Variants in HCK observed in about 807,000 individuals in gnomAD.
HCK encodes tyrosine-protein kinase HCK.
Under a neutral mutation model 70.4 loss-of-function variants are expected in HCK, and 40 were observed. The observed-to-expected ratio is 0.57, with a 90% CI of 0.44 to 0.74. The LOEUF (loss-of-function observed/expected upper bound fraction) is 0.74. HCK is among the 30% of genes least tolerant of loss of function. The pLI, the probability that HCK is intolerant of heterozygous loss-of-function variation, is 0.00. For missense variants in HCK, 568 were observed against 697.2 expected, an observed-to-expected ratio of 0.81 and a Z score of 2.09; for synonymous variants, 245 against 263.2, an observed-to-expected ratio of 0.93 and a Z score of 0.67.
In HCK at chr20:32,052,481, GC is replaced by G; in HGVS notation, c.60del (p.Arg21GlyfsTer5). ...GCTGCCCGCGAGACGAGGAGCGGGC[GC>G]CCAGGTGAGTGCCGCGCACAGGGGA... On this transcript the variant is annotated frameshift_variant, in exon 1 of 13. Transcript: ENST00000375852. LOFTEE classifies it high-confidence loss of function. The G allele has an allele frequency of 7.9e-7, 1 of 1,265,516 alleles. No individual in the cohort carries two copies. The allele number at this position is 1,265,516 out of a possible 1,614,324, so 78.4% of individuals were successfully genotyped here. A position where few individuals can be genotyped will look rare whatever the true frequency, so the allele number is the denominator to read the frequency against.
intron 5 of HCK, among the ~76,000 whole-genome samples, chr20:32,079,081 C>G (rs2045671448): frequency 6.6e-6 from 1 of 152,162 alleles, no homozygotes; most frequent in Admixed American, 6.6e-5. Context: ...GCTCCTCACC[C>G]CAGTGAAGGT....
At chr20:32,088,890 T>G (rs928063471) in intron 10 of HCK, among the ~76,000 whole-genome samples, 1 of 152,200 alleles carries the variant, frequency 6.6e-6, no homozygotes, top group Non-Finnish European at 1.5e-5. Flanking sequence ...ACCATCCAAG[T>G]CCTAGTAGCT....
intron 1 of HCK, among the ~76,000 whole-genome samples, chr20:32,067,876 T>C (rs1232882461): frequency 1.3e-5 from 2 of 152,210 alleles, no homozygotes; most frequent in South Asian, 2.1e-4. Flanking sequence ...GTAAAGTATC[T>C]CATTCATAAT....
chr20:32,063,381 TA>T (rs2045408698), intron 1 of HCK, among the ~76,000 whole-genome samples: 1 of 151,904 alleles, frequency 6.6e-6, no homozygotes, highest in East Asian at 1.9e-4. Context: ...GCCTCCCAAG[TA>T]GCTGGGAATA....
intron 1 of HCK, among the ~76,000 whole-genome samples, chr20:32,058,363 C>T (rs2045305992): frequency 1.3e-5 from 2 of 151,994 alleles, no homozygotes; most frequent in African/African-American, 2.4e-5. Context: ...GAAACCCCGT[C>T]TCTACTAAAA....
chr20:32,059,507 CTCTCTTT>C lies in HCK; in HGVS notation c.62+7023_62+7029del, dbSNP rs1184477395. On this transcript the variant is annotated intron_variant, in intron 1 of 12. Coordinates refer to ENST00000375852, the MANE Select transcript of HCK (RefSeq NM_002110.5). ...TCTTCTTTCTTGCTTCTCTCTCTCT[CTCTCTTT>C]TTTTTTTCTTTTTCTTTTTGAGACA... Among the ~76,000 whole-genome samples, 390 of 36,600 alleles carry C rather than the reference CTCTCTTT, an allele frequency of 0.011. 3 individuals are homozygous for C. In the East Asian group the frequency reaches 0.29, roughly 27 times the overall value. 24.0% of individuals were successfully genotyped at this position (36,600 alleles called of 152,430 possible). A position where few individuals can be genotyped will look rare whatever the true frequency, so the allele number is the denominator to read the frequency against.
chr20:32,101,172 TG>T, intron 12 of HCK, 144 bp from the exon 13 acceptor site: 1 of 705,552 alleles, frequency 1.4e-6, no homozygotes, highest in Non-Finnish European at 2.4e-6. Context: ...AAGCTGAGGG[TG>T]GAAGTCTGTC....
intron 11 of HCK, among the ~76,000 whole-genome samples, chr20:32,094,803 A>AGAGAAAG (rs879707876): frequency 0.016 from 1,219 of 77,646 alleles, 30 homozygotes; most frequent in Middle Eastern, 0.038. Flanking sequence ...GAAAGAAAGA[A>AGAGAAAG]AGAAAGAAAG....
intron 5 of HCK, 92 bp downstream of exon 5, chr20:32,074,813 C>A: frequency 2.4e-6 from 2 of 828,998 alleles, no homozygotes; most frequent in Non-Finnish European, 4.1e-6. Flanking sequence ...TGTACCACTG[C>A]CTGGCACATA....
intron 12 of HCK, among the ~76,000 whole-genome samples, chr20:32,100,710 T>C (rs1330537389): frequency 6.6e-6 from 1 of 152,194 alleles, no homozygotes; most frequent in African/African-American, 2.4e-5. Context: ...AAACTTGAAC[T>C]GAACAAAAAA....
At chr20:32,064,090 A>G (rs2045421770) in intron 1 of HCK, among the ~76,000 whole-genome samples, 1 of 124,756 alleles carries the variant, frequency 8.0e-6, no homozygotes, top group African/African-American at 3.2e-5. Context: ...TGCAACCTCC[A>G]CCTCCCAGGT....
intron 11 of HCK, among the ~76,000 whole-genome samples, chr20:32,094,492 C>G (rs1367932832): frequency 6.6e-6 from 1 of 151,850 alleles, no homozygotes; most frequent in Non-Finnish European, 1.5e-5. Context: ...CCAGCCTGGG[C>G]AACACAGGAA....
intron 12 of HCK, 144 bp from the exon 13 acceptor site, chr20:32,101,173 G>A: frequency 1.4e-6 from 1 of 709,844 alleles, no homozygotes; most frequent in Non-Finnish European, 2.4e-6. Context: ...AGCTGAGGGT[G>A]GAAGTCTGTC....
At chr20:32,066,642 A>G (rs2045463921) in intron 1 of HCK, among the ~76,000 whole-genome samples, 1 of 152,054 alleles carries the variant, frequency 6.6e-6, no homozygotes, top group Non-Finnish European at 1.5e-5. Flanking sequence ...GAGCCACAGA[A>G]CAAATTCTCT....
At chr20:32,069,140 C>T (rs562757434) in intron 1 of HCK, among the ~76,000 whole-genome samples, 34 of 152,282 alleles carry the variant, frequency 2.2e-4, no homozygotes, top group Admixed American at 5.2e-4. Flanking sequence ...GTTTCTGCAG[C>T]GCTTACTGCA....
chr20:32,068,378 A>G (rs1176927510), intron 1 of HCK, among the ~76,000 whole-genome samples: 1 of 150,324 alleles, frequency 6.7e-6, no homozygotes. Flanking sequence ...AAATAAAGTA[A>G]AATGAAAATA....
intron 6 of HCK, among the ~76,000 whole-genome samples, chr20:32,080,323 C>T (rs1247760818): frequency 1.3e-5 from 2 of 152,104 alleles, no homozygotes; most frequent in Admixed American, 1.3e-4. Flanking sequence ...CTCAGCCTTC[C>T]AAGTAGCTGG....
Position 32,099,350 on chromosome 20 carries a change from C to CTTT in HCK, c.1378+238_1378+240dup, listed in dbSNP as rs71336559. Among the ~76,000 whole-genome samples, 172 of 85,164 alleles carry CTTT rather than the reference C, an allele frequency of 2.0e-3. 1 individual carries two copies. The highest frequency in any genetic ancestry group is 2.5e-3 in the Non-Finnish European group (126 of 50,360). 55.9% of individuals were successfully genotyped at this position (85,164 alleles called of 152,430 possible). ...CCTTCCTTCTCTCTCACTCCTATGA[C>CTTT]TTTTTTTTTTTTTTTTTTTTTTTTT... On this transcript the variant is annotated intron_variant, in intron 12 of 12. Transcript: ENST00000375852.
At chr20:32,078,297 G>A (rs1191837849) in intron 5 of HCK, among the ~76,000 whole-genome samples, 10 of 150,888 alleles carry the variant, frequency 6.6e-5, no homozygotes, top group South Asian at 2.1e-4. Context: ...CACCCGCCTC[G>A]GCCTCCCAAA....
Sources: allele counts gnomAD v4.1 joint callset (sites outside exome capture counted in the v4.1 genomes callset), GRCh38; gene constraint gnomAD v4.1.1; transcripts MANE v1.5; gene names NCBI Gene and HGNC (gene_info 2026-07-23, HGNC 2026-07-21).